CCDC91: variants seen among roughly 807,000 people sequenced by gnomAD.
CCDC91 encodes coiled-coil domain-containing protein 91.
In CCDC91, 48 loss-of-function variants were observed where a neutral mutation model predicts 63.2. The ratio of observed to expected loss-of-function variants is 0.76; its 90% confidence interval spans 0.60 to 0.97. The LOEUF (loss-of-function observed/expected upper bound fraction) is 0.97, where lower values mean the gene tolerates loss of function less well. Among genes scored for constraint, CCDC91 ranks in the 50% least tolerant of loss-of-function variants. The probability of loss-of-function intolerance (pLI) is 0.00; values close to 1 mark genes in which losing one functional copy is unlikely to be tolerated. For synonymous variants in CCDC91, 167 were observed against 165.8 expected, an observed-to-expected ratio of 1.01 and a Z score of -0.06; for missense variants, 500 against 494.6, an observed-to-expected ratio of 1.01 and a Z score of -0.10.
Position 28,362,479 on chromosome 12 carries a change from T to A in CCDC91, c.618T>A (p.Gly206=). Residue 206 remains glycine (G), a synonymous_variant, in exon 7 of 13, where the codon GGT becomes GGA. Transcript: ENST00000536442. ...KQELEDMRKA[G]HEALSIIVDE... is the part of the protein sequence containing the mutation. ...AATTGGAAGACATGAGGAAAGCTGG[T>A]CACGAAGCCCTCAGCATTATTGTGG... The A allele has an allele frequency of 6.3e-7, 1 of 1,599,544 alleles. No homozygotes were observed. The highest frequency in any genetic ancestry group is 1.3e-5 in the African/African-American group (1 of 74,594).
intron 6 of CCDC91, among the ~76,000 whole-genome samples, chr12:28,345,369 T>C (rs1272557005): frequency 1.3e-5 from 2 of 152,146 alleles, no homozygotes; most frequent in Non-Finnish European, 2.9e-5. Context: ...CTTAATAATC[T>C]ATTTAATGGG....
chr12:28,250,429 G>A (rs1946047550), intron 1 of CCDC91, among the ~76,000 whole-genome samples: 1 of 152,026 alleles, frequency 6.6e-6, no homozygotes, highest in East Asian at 1.9e-4. Flanking sequence ...TCATAGTATG[G>A]CAATACTTCT....
At chr12:28,521,691 A>G (rs1216849626) in intron 12 of CCDC91, among the ~76,000 whole-genome samples, 1 of 152,156 alleles carries the variant, frequency 6.6e-6, no homozygotes, top group African/African-American at 2.4e-5. Flanking sequence ...CCCATTCAGT[A>G]TGATATTGGC....
In CCDC91 at chr12:28,305,681, G is replaced by A. The variant is rs554561376; in HGVS notation, c.142G>A (p.Glu48Lys). ...SGVHLSPSSP[E>K]IVLDRDHSSS... ...AGTCCATCTTTCACCATCTTCTCCT[G>A]AGATTGTACTGGACCGTGACCACTC... Residue 48 changes from glutamate to lysine, a missense_variant, in exon 4 of 13, where the codon GAG becomes AAG. Physicochemically the swap from Glu to Lys is moderately conservative, Grantham distance 56. Coordinates refer to ENST00000536442, the MANE Select transcript of CCDC91 (RefSeq NM_018318.5). The A allele has an allele frequency of 6.2e-7, 1 of 1,612,524 alleles. No homozygotes were observed. Among genetic ancestry groups the A allele is most frequent in the South Asian group, 1.1e-5 (1 of 90,926 alleles).
chr12:28,522,907 G>A (rs1940869256), intron 12 of CCDC91, among the ~76,000 whole-genome samples: 1 of 152,164 alleles, frequency 6.6e-6, no homozygotes, highest in Admixed American at 6.6e-5. Flanking sequence ...TTAATCGTGA[G>A]TTCTAGTTTG....
intron 11 of CCDC91, among the ~76,000 whole-genome samples, chr12:28,460,604 A>G (rs1369110021): frequency 1.3e-5 from 2 of 152,146 alleles, no homozygotes; most frequent in Non-Finnish European, 1.5e-5. Context: ...CTTAGAAACC[A>G]TAACTATCAT....
chr12:28,403,721 C>T (rs900311489), intron 8 of CCDC91, among the ~76,000 whole-genome samples: 2 of 152,080 alleles, frequency 1.3e-5, no homozygotes, highest in African/African-American at 4.8e-5. Context: ...TATAGGCCTA[C>T]TCAGATTGTC....
At chr12:28,486,403 A>G (rs1951728038) in intron 12 of CCDC91, among the ~76,000 whole-genome samples, 1 of 152,086 alleles carries the variant, frequency 6.6e-6, no homozygotes, top group African/African-American at 2.4e-5. Context: ...AGTTATTTCC[A>G]CATTTTTAGT....
At chr12:28,436,507 C>G (rs1360331903) in intron 8 of CCDC91, among the ~76,000 whole-genome samples, 1 of 151,674 alleles carries the variant, frequency 6.6e-6, no homozygotes, top group Non-Finnish European at 1.5e-5. Context: ...TTATTTTAAG[C>G]AAACTACTAG....
chr12:28,537,062 A>G (rs1487577821), intron 12 of CCDC91, among the ~76,000 whole-genome samples: 1 of 151,988 alleles, frequency 6.6e-6, no homozygotes, highest in Admixed American at 6.5e-5. Context: ...GGAACCTTAT[A>G]TTTTTTTCAG....
chr12:28,353,652 G>A (rs890429388), intron 6 of CCDC91, among the ~76,000 whole-genome samples: 12 of 152,164 alleles, frequency 7.9e-5, no homozygotes, highest in African/African-American at 1.7e-4. Flanking sequence ...TTTTTCAGTC[G>A]AAACACATAC....
intron 6 of CCDC91, among the ~76,000 whole-genome samples, chr12:28,317,015 C>CT (rs1939961961): frequency 6.6e-6 from 1 of 151,688 alleles, no homozygotes; most frequent in East Asian, 1.9e-4. Flanking sequence ...GTTTCAGCTA[C>CT]TGTTCTTATC....
At chr12:28,448,356 G>C (rs1477584594) in intron 8 of CCDC91, among the ~76,000 whole-genome samples, 1 of 152,124 alleles carries the variant, frequency 6.6e-6, no homozygotes, top group African/African-American at 2.4e-5. Context: ...CAGTAACCCA[G>C]TTGTATTTTC....
chr12:28,386,145 ACTTGT>A (rs1026879410), intron 7 of CCDC91, among the ~76,000 whole-genome samples: 1 of 152,142 alleles, frequency 6.6e-6, no homozygotes, highest in African/African-American at 2.4e-5. Flanking sequence ...AATTTTGGTG[ACTTGT>A]CTTGGTAGTT....
At chr12:28,269,362 T>C (rs1458051978) in intron 3 of CCDC91, among the ~76,000 whole-genome samples, 1 of 152,094 alleles carries the variant, frequency 6.6e-6, no homozygotes, top group Non-Finnish European at 1.5e-5. Context: ...TCTCTCCTTG[T>C]GATTATCTAT....
At chr12:28,263,589 ATTTG>A (rs2136239828) in intron 3 of CCDC91, among the ~76,000 whole-genome samples, 1 of 152,108 alleles carries the variant, frequency 6.6e-6, no homozygotes, top group East Asian at 1.9e-4. Context: ...TTATCTGTTC[ATTTG>A]TTTATGGACA....
At chr12:28,265,708 A>G (rs1189189339) in intron 3 of CCDC91, among the ~76,000 whole-genome samples, 2 of 152,002 alleles carry the variant, frequency 1.3e-5, no homozygotes, top group Admixed American at 6.6e-5. Flanking sequence ...TTGAGGAAAA[A>G]TTGTCTCAAT....
intron 8 of CCDC91, among the ~76,000 whole-genome samples, chr12:28,433,682 A>C (rs1948749345): frequency 6.6e-6 from 1 of 151,938 alleles, no homozygotes; most frequent in African/African-American, 2.4e-5. Flanking sequence ...TGTATTGGCT[A>C]TTCTGAGTGT....
intron 12 of CCDC91, among the ~76,000 whole-genome samples, chr12:28,524,709 G>A (rs1941099369): frequency 6.6e-6 from 1 of 152,090 alleles, no homozygotes; most frequent in Non-Finnish European, 1.5e-5. Flanking sequence ...GTATAAAGCT[G>A]TTGTGAATGC....
Sources: allele counts gnomAD v4.1 joint callset (sites outside exome capture counted in the v4.1 genomes callset), GRCh38; gene constraint gnomAD v4.1.1; transcripts MANE v1.5; gene names NCBI Gene and HGNC (gene_info 2026-07-23, HGNC 2026-07-21).